The following CLYBL variants were observed in gnomAD, a reference collection of about 807,000 sequenced individuals.
CLYBL encodes citramalyl-CoA lyase, also known as citramalyl-CoA lyase, mitochondrial.
CLYBL carries 31 observed loss-of-function variants against 38.9 expected under a neutral mutation model. The observed-to-expected ratio is 0.80, with a 90% CI of 0.60 to 1.08. The LOEUF is 1.08. Ranked by LOEUF, CLYBL falls within the 50% of genes least tolerant of loss-of-function variation. The pLI is 0.00. For missense variants in CLYBL, 434 were observed against 411.6 expected, an observed-to-expected ratio of 1.05 and a Z score of -0.47; for synonymous variants, 171 against 158.6, an observed-to-expected ratio of 1.08 and a Z score of -0.59.
At chr13:99,611,321 A>C (rs977223481) in intron 1 of CLYBL, among the ~76,000 whole-genome samples, 1 of 152,178 alleles carries the variant, frequency 6.6e-6, no homozygotes. Context: ...CTTTTTCTGT[A>C]GTTTTTGCTG....
chr13:99,686,512 CAG>C (rs34750084), intron 1 of CLYBL, among the ~76,000 whole-genome samples: 130,457 of 150,166 alleles, frequency 0.87, 57,321 homozygotes, highest in East Asian at 0.95. Context: ...TTTGTTTCAA[CAG>C]AGAGAGAGAG....
chr13:99,807,814 A>G (rs1395929981), intron 2 of CLYBL, among the ~76,000 whole-genome samples: 3 of 152,204 alleles, frequency 2.0e-5, no homozygotes, highest in Non-Finnish European at 4.4e-5. Context: ...TCACCATAAT[A>G]AAATATTTTT....
intron 2 of CLYBL, among the ~76,000 whole-genome samples, chr13:99,808,689 C>T (rs1035035004): frequency 7.9e-5 from 12 of 152,120 alleles, no homozygotes; most frequent in African/African-American, 2.9e-4. Flanking sequence ...CTGAAGTAAT[C>T]AATTTTGTTT....
intron 1 of CLYBL, among the ~76,000 whole-genome samples, chr13:99,732,322 T>C (rs1287822659): frequency 2.6e-5 from 4 of 151,854 alleles, no homozygotes; most frequent in African/African-American, 9.7e-5. Flanking sequence ...CACCAACAAG[T>C]AGCTGGGACC....
chr13:99,651,183 G>A (rs143404511), intron 1 of CLYBL, among the ~76,000 whole-genome samples: 128 of 152,294 alleles, frequency 8.4e-4, no homozygotes, highest in African/African-American at 2.9e-3. Flanking sequence ...ACCCTGTGCT[G>A]TCTCCCATGT....
intron 1 of CLYBL, among the ~76,000 whole-genome samples, chr13:99,757,081 A>G (rs148296144): frequency 1.3e-5 from 2 of 152,030 alleles, no homozygotes; most frequent in Non-Finnish European, 2.9e-5. Context: ...AACATGTTTG[A>G]TAGAGACAGG....
rs114128739 is a variant in CLYBL, at chr13:99,728,586, T to C, written c.63-44238T>C. Reference sequence around the variant, plus strand: ...AGCCAACTTCTTTTTTTTTTTTTCTTTTTAATAGAGACAGGGTCTCACTGT... The same window carrying C: ...AGCCAACTTCTTTTTTTTTTTTTCTCTTTAATAGAGACAGGGTCTCACTGT... On this transcript the variant is annotated intron_variant, in intron 1 of 8. Transcript: ENST00000339105. Among the ~76,000 whole-genome samples, 720 of 151,960 alleles carry C rather than the reference T, an allele frequency of 4.7e-3. 7 individuals are homozygous for C. The highest frequency in any genetic ancestry group is 0.017 in the African/African-American group (685 of 41,436).
intron 1 of CLYBL, among the ~76,000 whole-genome samples, chr13:99,744,367 A>G (rs577813547): frequency 2.0e-5 from 3 of 152,098 alleles, no homozygotes; most frequent in South Asian, 2.1e-4. Flanking sequence ...TCACACCTAC[A>G]CTGTAGTGTG....
rs373902015 is a variant in CLYBL at position 99,831,723 on chromosome 13, T to C, written c.250-27138T>C. On this transcript the variant is annotated intron_variant, in intron 2 of 8. Transcript: ENST00000339105. ...TTGAGTGAACCACCATTTTCTTTCT[T>C]TTTTTTTTTTTTGTAGAAGGAAACA... Among the ~76,000 whole-genome samples, 8 of 146,988 alleles carry C rather than the reference T, an allele frequency of 5.4e-5. No homozygotes were observed. In the South Asian group the frequency reaches 1.7e-3, roughly 32 times the overall value.
intron 1 of CLYBL, among the ~76,000 whole-genome samples, chr13:99,616,950 C>T (rs9634517): frequency 0.41 from 61,590 of 151,352 alleles, 13,165 homozygotes; most frequent in East Asian, 0.76. Flanking sequence ...AGCGCGACTC[C>T]GTCTCAATAA....
chr13:99,829,683 A>G (rs2050766569), intron 2 of CLYBL, among the ~76,000 whole-genome samples: 1 of 152,234 alleles, frequency 6.6e-6, no homozygotes, highest in African/African-American at 2.4e-5. Flanking sequence ...CCTTTAAAGT[A>G]GGGACATTAG....
At chr13:99,839,656 G>A (rs1466125937) in intron 2 of CLYBL, among the ~76,000 whole-genome samples, 1 of 152,102 alleles carries the variant, frequency 6.6e-6, no homozygotes, top group Non-Finnish European at 1.5e-5. Flanking sequence ...GTGGGGAGGG[G>A]CATGGAATTT....
At chr13:99,863,601 G>T (rs1209087101) in intron 4 of CLYBL, among the ~76,000 whole-genome samples, 1 of 152,214 alleles carries the variant, frequency 6.6e-6, no homozygotes, top group East Asian at 1.9e-4. Context: ...TGCCACATTA[G>T]AATATCTTCT....
intron 2 of CLYBL, among the ~76,000 whole-genome samples, chr13:99,828,169 C>A (rs2050733988): frequency 6.6e-6 from 1 of 152,092 alleles, no homozygotes; most frequent in African/African-American, 2.4e-5. Context: ...AAGAACTGTT[C>A]AAAAACTAGA....
chr13:99,736,099 C>T (rs183633904), intron 1 of CLYBL, among the ~76,000 whole-genome samples: 3 of 125,262 alleles, frequency 2.4e-5, no homozygotes, highest in African/African-American at 9.4e-5. Flanking sequence ...GGCTGGAGTG[C>T]AGTAGCGCAA....
In CLYBL at chr13:99,633,153, G is replaced by A. The variant is rs146750203; in HGVS notation, c.62+26396G>A. Among the ~76,000 whole-genome samples, 530 of 141,910 alleles carry A rather than the reference G, an allele frequency of 3.7e-3. 2 individuals are homozygous for A. Among genetic ancestry groups the A allele is most frequent in the African/African-American group, 0.013 (479 of 38,054 alleles). 93.1% of individuals were successfully genotyped at this position (141,910 alleles called of 152,430 possible). On this transcript the variant is annotated intron_variant, in intron 1 of 8. Transcript: ENST00000339105. Reference sequence around the variant, plus strand: ...TTGAACGTGGGAGGCAGAGGTTGCAGTGAGCCGAGATCATACCAGTGCACT... The same window carrying A: ...TTGAACGTGGGAGGCAGAGGTTGCAATGAGCCGAGATCATACCAGTGCACT...
intron 7 of CLYBL, among the ~76,000 whole-genome samples, chr13:99,882,289 C>T (rs551292888): frequency 7.2e-5 from 11 of 152,280 alleles, no homozygotes; most frequent in South Asian, 2.1e-4. Flanking sequence ...TTAACTAGTA[C>T]TGAACCCCAT....
chr13:99,636,311 T>C (rs1253916541), intron 1 of CLYBL, among the ~76,000 whole-genome samples: 3 of 152,234 alleles, frequency 2.0e-5, no homozygotes, highest in African/African-American at 2.4e-5. Context: ...AATAGAATTA[T>C]TAATGTTTAC....
chr13:99,702,324 T>G (rs1197666528), intron 1 of CLYBL, among the ~76,000 whole-genome samples: 1 of 152,020 alleles, frequency 6.6e-6, no homozygotes, highest in Non-Finnish European at 1.5e-5. Context: ...TTACTTATTT[T>G]GGGGGTCTTA....
Sources: gnomAD v4.1 joint callset for allele counts (sites outside exome capture counted in the v4.1 genomes callset) on GRCh38, gnomAD v4.1.1 for gene constraint, MANE v1.5 for transcripts, NCBI Gene and HGNC (gene_info 2026-07-23, HGNC 2026-07-21) for gene names.